ZNF81: variants seen among roughly 807,000 people sequenced by gnomAD.
ZNF81 encodes the protein zinc finger protein 81 (HFZ20).
ZNF81 carries 5 observed loss-of-function variants against 32.3 expected under a neutral mutation model. The observed-to-expected ratio is 0.15, with a 90% CI of 0.08 to 0.33. The LOEUF (loss-of-function observed/expected upper bound fraction) is 0.33, where lower values mean the gene tolerates loss of function less well. Ranked by LOEUF, ZNF81 falls within the 10% of genes least tolerant of loss-of-function variation. ZNF81 has a pLI of 1.00. For synonymous variants in ZNF81, 163 were observed against 166.8 expected, an observed-to-expected ratio of 0.98 and a Z score of 0.17; for missense variants, 379 against 479.8, an observed-to-expected ratio of 0.79 and a Z score of 1.96.
intron 4 of ZNF81, among the ~76,000 whole-genome samples, chrX:47,903,443 G>T (rs1356663690): frequency 2.2e-5 from 2 of 90,097 alleles, no homozygotes; most frequent in Non-Finnish European, 4.5e-5. Context: ...CAAATCATGA[G>T]TGAACTCCCA....
Position 47,921,431 on chromosome X carries a change from C to T in ZNF81, c.*4799C>T, listed in dbSNP as rs2058776635. ...TCCCAGTTGAGATACCCTACACCAACCAGATTTTCAACTGCTGGACATATG... is the reference window on the plus strand; with the variant it reads ...TCCCAGTTGAGATACCCTACACCAATCAGATTTTCAACTGCTGGACATATG... On this transcript the variant is annotated 3_prime_UTR_variant, in exon 5 of 5. Coordinates refer to ENST00000338637, the MANE Select transcript of ZNF81 (RefSeq NM_007137.5). 1.8e-5 allele frequency: 2 copies of T among 110,082 alleles called. No individual in the cohort carries two copies. The highest frequency in any genetic ancestry group is 2.0e-4 in the Admixed American group (2 of 10,177). 9.1% of individuals were successfully genotyped at this position (110,082 alleles called of 1,213,427 possible).
At chrX:47,874,375 A>G (rs1036053365) in intron 2 of ZNF81, among the ~76,000 whole-genome samples, 9 of 112,073 alleles carry the variant, frequency 8.0e-5, no homozygotes, top group Non-Finnish European at 1.7e-4. Flanking sequence ...AATCCCTAAC[A>G]TGCCTGTTCC....
In ZNF81 at chrX:47,918,546, A is replaced by G. The variant is rs1556891391; in HGVS notation, c.*1914A>G. ...ATAGGAAACTCACAAAGTTTTTAAT[A>G]GAGTTTTACTAGTAAAACTACCTCC... On this transcript the variant is annotated 3_prime_UTR_variant, in exon 5 of 5. Transcript: ENST00000338637. 1 of 111,754 alleles carries G rather than the reference A, an allele frequency of 8.9e-6. No individual in the cohort carries two copies. The highest frequency in any genetic ancestry group is 3.3e-5 in the African/African-American group (1 of 30,701). 9.2% of individuals were successfully genotyped at this position (111,754 alleles called of 1,213,427 possible).
intron 1 of ZNF81, among the ~76,000 whole-genome samples, chrX:47,839,639 T>TA (rs1220998516): frequency 6.3e-5 from 7 of 110,864 alleles, no homozygotes; most frequent in South Asian, 7.4e-4. Flanking sequence ...TATTCCAAAA[T>TA]AAAAAAAAAC....
At chrX:47,905,961 T>C (rs1556889137) in intron 4 of ZNF81, among the ~76,000 whole-genome samples, 2 of 108,622 alleles carry the variant, frequency 1.8e-5, no homozygotes, top group African/African-American at 6.7e-5. Context: ...TATAGTCCTG[T>C]CTATACTGAT....
intron 2 of ZNF81, among the ~76,000 whole-genome samples, chrX:47,869,616 T>G (rs2058572705): frequency 8.9e-6 from 1 of 112,325 alleles, no homozygotes; most frequent in African/African-American, 3.2e-5. Flanking sequence ...AAGTTTCAAG[T>G]CTTTTGTCAG....
At chrX:47,850,347 TAAAAA>T (rs146962959) in intron 2 of ZNF81, among the ~76,000 whole-genome samples, 3 of 83,123 alleles carry the variant, frequency 3.6e-5, no homozygotes, top group African/African-American at 4.6e-5. Context: ...ACCCATCTCT[TAAAAA>T]AAAAAAAAAA....
At chrX:47,871,510 T>C (rs1475349940) in intron 2 of ZNF81, among the ~76,000 whole-genome samples, 9 of 111,671 alleles carry the variant, frequency 8.1e-5, no homozygotes, top group Admixed American at 7.6e-4. Flanking sequence ...TTATCAAATA[T>C]GCATTTTGAA....
intron 4 of ZNF81, among the ~76,000 whole-genome samples, chrX:47,913,860 A>T (rs189538779): frequency 1.3e-4 from 14 of 111,438 alleles, no homozygotes; most frequent in Middle Eastern, 4.6e-3. Flanking sequence ...CATCGAGAAG[A>T]GTTGTTGCAG....
rs1556890670 is a variant in ZNF81, at chrX:47,915,779, C to T, written c.1133C>T (p.Thr378Ile). ...FQVSSLLRHQ[T>I]THTGEKLFEC... ...GTGTCATCTCTACTCAGGCATCAGA[C>T]AACTCATACTGGAGAAAAACTCTTT... is the stretch of plus-strand genomic sequence containing the variant. The change falls in exon 5 of 5, where the codon ACA becomes ATA. Residue 378 changes from threonine (T) to isoleucine (I), a missense_variant. Transcript: ENST00000338637. 1 of 1,209,532 alleles carries T rather than the reference C, an allele frequency of 8.3e-7. No homozygotes were observed. Among genetic ancestry groups the T allele is most frequent in the African/African-American group, 1.8e-5 (1 of 57,006 alleles).
chrX:47,910,827 C>T (rs2058737198), intron 4 of ZNF81, among the ~76,000 whole-genome samples: 1 of 111,733 alleles, frequency 8.9e-6, no homozygotes, highest in South Asian at 3.7e-4. Flanking sequence ...CCTCACATTC[C>T]AAATTTTGTC....
intron 4 of ZNF81, among the ~76,000 whole-genome samples, chrX:47,896,918 T>C (rs2058681701): frequency 8.9e-6 from 1 of 112,622 alleles, no homozygotes; most frequent in African/African-American, 3.2e-5. Flanking sequence ...TCTGGTTTAT[T>C]CCTTTTGAAT....
At chrX:47,849,929 A>G (rs1381938525) in intron 2 of ZNF81, among the ~76,000 whole-genome samples, 1 of 111,927 alleles carries the variant, frequency 8.9e-6, no homozygotes, top group Non-Finnish European at 1.9e-5. Context: ...ATGTAATACA[A>G]CTACCCCTTA....
At chrX:47,893,384 T>C (rs1399986249) in intron 3 of ZNF81, among the ~76,000 whole-genome samples, 1 of 111,289 alleles carries the variant, frequency 9.0e-6, no homozygotes, top group Non-Finnish European at 1.9e-5. Flanking sequence ...AGGAAACCCC[T>C]GAAGTTCCAA....
chrX:47,872,911 C>T (rs782623241), intron 2 of ZNF81, among the ~76,000 whole-genome samples: 2 of 111,227 alleles, frequency 1.8e-5, no homozygotes, highest in Non-Finnish European at 1.9e-5. Context: ...TTGAATTAAA[C>T]CAGTATCATT....
chrX:47,894,678 C>T (rs1236290008), intron 3 of ZNF81, among the ~76,000 whole-genome samples: 1 of 111,548 alleles, frequency 9.0e-6, no homozygotes, highest in East Asian at 2.8e-4. Flanking sequence ...CTACCTGCCA[C>T]CCAGTGGGCT....
At chrX:47,851,905 G>C (rs2058497107) in intron 2 of ZNF81, among the ~76,000 whole-genome samples, 1 of 112,268 alleles carries the variant, frequency 8.9e-6, no homozygotes, top group African/African-American at 3.2e-5. Flanking sequence ...TTTTCTTCAA[G>C]ATGCCTACAC....
At chrX:47,908,357 A>G (rs2058727961) in intron 4 of ZNF81, among the ~76,000 whole-genome samples, 1 of 111,652 alleles carries the variant, frequency 9.0e-6, no homozygotes, top group South Asian at 3.7e-4. Context: ...ACATACAAAA[A>G]AAAGGGCTAA....
At chrX:47,885,295 T>G (rs1168078560) in intron 2 of ZNF81, among the ~76,000 whole-genome samples, 2 of 112,023 alleles carry the variant, frequency 1.8e-5, no homozygotes, top group African/African-American at 6.5e-5. Flanking sequence ...TGTGGGTTAT[T>G]CTGTTTGGAA....
Sources: gnomAD v4.1 joint callset for allele counts (sites outside exome capture counted in the v4.1 genomes callset) on GRCh38, gnomAD v4.1.1 for gene constraint, MANE v1.5 for transcripts, NCBI Gene and HGNC (gene_info 2026-07-23, HGNC 2026-07-21) for gene names.